GRIK4: variants seen among roughly 807,000 people sequenced by gnomAD.
GRIK4 encodes the protein glutamate receptor ionotropic, kainate 4.
A neutral mutation model predicts 104.9 loss-of-function variants in GRIK4; 40 were observed. The ratio of observed to expected loss-of-function variants is 0.38; its 90% CI spans 0.30 to 0.50. GRIK4 has a LOEUF of 0.50. Among genes scored for constraint, GRIK4 ranks in the 20% least tolerant of loss-of-function variants. The probability of loss-of-function intolerance (pLI) is 0.93; values close to 1 mark genes in which losing one functional copy is unlikely to be tolerated. For missense variants in GRIK4, 1,047 were observed against 1,308.1 expected (o/e 0.80, Z 3.08); for synonymous variants, 485 against 524.9 (o/e 0.92, Z 1.04).
At chr11:120,971,776 T>G (rs1289414074) in intron 19 of GRIK4, among the ~76,000 whole-genome samples, 2 of 152,220 alleles carry the variant, frequency 1.3e-5, no homozygotes, top group Non-Finnish European at 2.9e-5. Context: ...GGCCTGGACC[T>G]GGAAGCATCC....
At chr11:120,889,122 C>A (rs1270607781) in intron 11 of GRIK4, among the ~76,000 whole-genome samples, 1 of 152,222 alleles carries the variant, frequency 6.6e-6, no homozygotes, top group African/African-American at 2.4e-5. Flanking sequence ...ATCACCCACT[C>A]CAGGACTCGG....
intron 3 of GRIK4, among the ~76,000 whole-genome samples, chr11:120,774,999 G>A (rs899401834): frequency 6.6e-6 from 1 of 152,180 alleles, no homozygotes; most frequent in Non-Finnish European, 1.5e-5. Flanking sequence ...GTGTGTGTGT[G>A]GTGTCAGATG....
chr11:120,911,363 C>T (rs1592071181), intron 13 of GRIK4, among the ~76,000 whole-genome samples: 3 of 150,026 alleles, frequency 2.0e-5, no homozygotes, highest in Middle Eastern at 6.8e-3. Context: ...CTCAGCCTCC[C>T]GTGTAGCTGG....
chr11:120,710,209 G>A (rs887124266), intron 3 of GRIK4, among the ~76,000 whole-genome samples: 1 of 138,354 alleles, frequency 7.2e-6, no homozygotes, highest in Non-Finnish European at 1.5e-5. Context: ...GAAATAGGTA[G>A]GACAGACTTA....
chr11:120,725,006 G>A (rs554117680), intron 3 of GRIK4, among the ~76,000 whole-genome samples: 18 of 151,926 alleles, frequency 1.2e-4, no homozygotes, highest in Non-Finnish European at 1.3e-4. Flanking sequence ...TCAACTATTC[G>A]CATAATAAAA....
chr11:120,683,512 A>T (rs1950229695), intron 3 of GRIK4, among the ~76,000 whole-genome samples: 1 of 152,178 alleles, frequency 6.6e-6, no homozygotes, highest in South Asian at 2.1e-4. Flanking sequence ...TTAGAAGAAG[A>T]GGTCCCAGGT....
chr11:120,574,465 T>C (rs1272756595), intron 1 of GRIK4, among the ~76,000 whole-genome samples: 1 of 152,216 alleles, frequency 6.6e-6, no homozygotes, highest in African/African-American at 2.4e-5. Flanking sequence ...TTTTTGCACA[T>C]GAGGACACGG....
Position 120,815,348 on chromosome 11 carries a change from T to C in GRIK4, c.248-30T>C, listed in dbSNP as rs748242536. 50 of 1,352,146 alleles carry C rather than the reference T, an allele frequency of 3.7e-5. 1 individual carries two copies. In the Admixed American group the frequency reaches 6.5e-4, roughly 18 times the overall value. 83.8% of individuals were successfully genotyped at this position (1,352,146 alleles called of 1,614,324 possible). On this transcript the variant is annotated intron_variant, in intron 4 of 20. Transcript: ENST00000527524. ...AAGCCCGACCTGATGAGTGCTTTGCTTCTTTCCCTGTCCCTGCCGCTGGCT... is the reference window on the plus strand; with the variant it reads ...AAGCCCGACCTGATGAGTGCTTTGCCTCTTTCCCTGTCCCTGCCGCTGGCT...
At chr11:120,630,526 G>C (rs1279026785) in intron 1 of GRIK4, among the ~76,000 whole-genome samples, 7 of 152,198 alleles carry the variant, frequency 4.6e-5, no homozygotes, top group Non-Finnish European at 8.8e-5. Context: ...AGGAAAAAGT[G>C]AAATGCAAAG....
At chr11:120,548,351 C>T (rs755055671) in intron 1 of GRIK4, among the ~76,000 whole-genome samples, 4 of 151,860 alleles carry the variant, frequency 2.6e-5, no homozygotes, top group Admixed American at 6.6e-5. Context: ...GGCTCACTTA[C>T]GAAGTAGATT....
rs374486023 is a variant in GRIK4 at position 120,908,099 on chromosome 11, G to A, written c.1476+2606G>A. On this transcript the variant is annotated intron_variant, in intron 13 of 20. Transcript: ENST00000527524. ...GCCCTTGGGGCTATTGAATGTGCTG[G>A]CTGAAAGAGACCTTAGAAGCCATTG... Among the ~76,000 whole-genome samples the A allele has an allele frequency of 4.6e-5, 7 of 152,280 alleles. No homozygotes were observed. In the East Asian group the frequency reaches 1.4e-3, roughly 29 times the overall value.
intron 1 of GRIK4, among the ~76,000 whole-genome samples, chr11:120,590,948 C>T (rs1422980821): frequency 2.6e-5 from 4 of 151,862 alleles, no homozygotes; most frequent in Admixed American, 2.6e-4. Flanking sequence ...TTCTGTAGGC[C>T]GACTCTCACC....
At chr11:120,601,329 T>G (rs1948883579) in intron 1 of GRIK4, among the ~76,000 whole-genome samples, 1 of 151,690 alleles carries the variant, frequency 6.6e-6, no homozygotes, top group South Asian at 2.1e-4. Context: ...TCACTGGAAC[T>G]CGGGAGGTGG....
At chr11:120,521,544 GTT>G (rs1371577467) in intron 1 of GRIK4, among the ~76,000 whole-genome samples, 1 of 152,170 alleles carries the variant, frequency 6.6e-6, no homozygotes, top group Admixed American at 6.5e-5. Flanking sequence ...AAGCCACATA[GTT>G]ATTTGATTGG....
chr11:120,697,960 A>G (rs938892962), intron 3 of GRIK4, among the ~76,000 whole-genome samples: 5 of 152,020 alleles, frequency 3.3e-5, no homozygotes, highest in Admixed American at 6.5e-5. Context: ...AGAAGAGGCC[A>G]CTATCTCCCC....
chr11:120,620,617 G>A (rs1364905533), intron 1 of GRIK4, among the ~76,000 whole-genome samples: 3 of 152,174 alleles, frequency 2.0e-5, no homozygotes, highest in Admixed American at 2.0e-4. Context: ...TTACAGGCAC[G>A]AACCACTACA....
intron 3 of GRIK4, among the ~76,000 whole-genome samples, chr11:120,744,039 C>T (rs1255614523): frequency 6.6e-6 from 1 of 152,180 alleles, no homozygotes; most frequent in East Asian, 1.9e-4. Flanking sequence ...CTGAAAGATC[C>T]TAGAGATGGA....
At chr11:120,659,880 C>T (rs570521894) in intron 2 of GRIK4, among the ~76,000 whole-genome samples, 60 of 152,300 alleles carry the variant, frequency 3.9e-4, no homozygotes, top group Non-Finnish European at 6.5e-4. Flanking sequence ...TACAGGCATG[C>T]GCCACCATGC....
At chr11:120,732,478 T>G (rs541057276) in intron 3 of GRIK4, among the ~76,000 whole-genome samples, 2 of 152,316 alleles carry the variant, frequency 1.3e-5, no homozygotes, top group African/African-American at 4.8e-5. Context: ...TTATTTGAAA[T>G]TGTTTTTATT....
Sources: gnomAD v4.1 joint callset for allele counts (sites outside exome capture counted in the v4.1 genomes callset) on GRCh38, gnomAD v4.1.1 for gene constraint, MANE v1.5 for transcripts, NCBI Gene and HGNC (gene_info 2026-07-23, HGNC 2026-07-21) for gene names.